Variants in NBEA observed in about 807,000 individuals in gnomAD.
NBEA encodes lysosomal-trafficking regulator 2.
In NBEA, 44 loss-of-function variants were observed where a neutral mutation model predicts 343.4. The observed-to-expected ratio is 0.13, with a 90% CI of 0.10 to 0.16. The LOEUF is 0.16. Ranked by LOEUF, NBEA falls within the 10% of genes least tolerant of loss-of-function variation. The pLI is 1.00. For missense variants in NBEA, 2,555 were observed against 3,631.3 expected (o/e 0.70, Z 7.62); for synonymous variants, 1,175 against 1,238.7 (o/e 0.95, Z 1.08).
intron 38 of NBEA, among the ~76,000 whole-genome samples, chr13:35,401,008 C>A (rs1274378606): frequency 6.6e-6 from 1 of 151,948 alleles, no homozygotes; most frequent in Non-Finnish European, 1.5e-5. Context: ...TTTGCCCCAG[C>A]AGAATTCATA....
At chr13:35,554,945 A>G in intron 43 of NBEA, 42 bp from the exon 44 acceptor site, 1 of 1,017,198 alleles carries the variant, frequency 9.8e-7, no homozygotes, top group Non-Finnish European at 1.5e-6. Context: ...TAAAGTTATG[A>G]ATTAAAGAGA....
At chr13:35,473,568 C>T (rs546379594) in intron 41 of NBEA, among the ~76,000 whole-genome samples, 13 of 152,340 alleles carry the variant, frequency 8.5e-5, no homozygotes, top group Admixed American at 3.3e-4. Context: ...GACTACTAAA[C>T]TCTTCCAAAG....
intron 38 of NBEA, among the ~76,000 whole-genome samples, chr13:35,383,391 G>C (rs1187190252): frequency 6.6e-6 from 1 of 152,186 alleles, no homozygotes; most frequent in Non-Finnish European, 1.5e-5. Flanking sequence ...AGAGTGAACA[G>C]ATGGAATAGG....
chr13:34,963,340 T>G (rs2059717769), intron 1 of NBEA, among the ~76,000 whole-genome samples: 1 of 152,024 alleles, frequency 6.6e-6, no homozygotes, highest in South Asian at 2.1e-4. Flanking sequence ...CCTGTTCTTA[T>G]GTGAACATCA....
intron 43 of NBEA, among the ~76,000 whole-genome samples, chr13:35,553,772 G>A (rs73498935): frequency 0.012 from 1,773 of 152,244 alleles, 41 homozygotes; most frequent in African/African-American, 0.041. Flanking sequence ...ATATCACAGT[G>A]AATTCTCAGG....
At chr13:35,204,099 C>T (rs79029340) in intron 31 of NBEA, among the ~76,000 whole-genome samples, 6,734 of 152,246 alleles carry the variant, frequency 0.044, 172 homozygotes, top group South Asian at 0.08. Context: ...TCTGCATTTA[C>T]AGCTGCTCCT....
At chr13:35,150,540 C>T (rs1257850965) in intron 18 of NBEA, among the ~76,000 whole-genome samples, 2 of 152,106 alleles carry the variant, frequency 1.3e-5, no homozygotes, top group Non-Finnish European at 2.9e-5. Context: ...AAAAGGAAAT[C>T]GCTTCCAGAC....
intron 1 of NBEA, among the ~76,000 whole-genome samples, chr13:34,953,204 G>A (rs115332022): frequency 1.0e-3 from 152 of 152,264 alleles, no homozygotes; most frequent in African/African-American, 3.6e-3. Context: ...CAAGTCTGCT[G>A]TCTTAAAAGA....
intron 48 of NBEA, among the ~76,000 whole-genome samples, chr13:35,607,368 A>G (rs1438908968): frequency 1.3e-5 from 2 of 152,182 alleles, no homozygotes; most frequent in East Asian, 3.9e-4. Context: ...GGGTGTTTAA[A>G]TGAGAAATGT....
intron 1 of NBEA, among the ~76,000 whole-genome samples, chr13:34,978,479 A>G (rs895918702): frequency 6.6e-5 from 10 of 152,088 alleles, no homozygotes; most frequent in African/African-American, 2.2e-4. Context: ...ATGTTTGGCT[A>G]CCTCCCCACC....
chr13:35,598,866 C>G (rs2081923381), intron 47 of NBEA, among the ~76,000 whole-genome samples: 2 of 152,162 alleles, frequency 1.3e-5, no homozygotes, highest in South Asian at 4.1e-4. Context: ...GAATCTTTTG[C>G]CAACTGAAGA....
At position 34,942,650 on chromosome 13, in the gene NBEA, A is replaced by C; in HGVS notation, c.-171A>C. The C allele has an allele frequency of 2.7e-6, 1 of 364,924 alleles. No individual in the cohort carries two copies. Among genetic ancestry groups the C allele is most frequent in the Non-Finnish European group, 4.7e-6 (1 of 213,352 alleles). 22.6% of individuals were successfully genotyped at this position (364,924 alleles called of 1,614,324 possible). A position where few individuals can be genotyped will look rare whatever the true frequency, so the allele number is the denominator to read the frequency against. ...ATCCCCCGCCGCCTCCGCGGGGGAGAGCGCCGGAGCGGGCCGGGCTGAGGC... is the reference window on the plus strand; with the variant it reads ...ATCCCCCGCCGCCTCCGCGGGGGAGCGCGCCGGAGCGGGCCGGGCTGAGGC... On this transcript the variant is annotated 5_prime_UTR_variant, in exon 1 of 59. Coordinates refer to ENST00000379939, the MANE Select transcript of NBEA (RefSeq NM_001385012.1).
At chr13:35,484,681 T>A (rs1238643221) in intron 41 of NBEA, among the ~76,000 whole-genome samples, 2 of 152,166 alleles carry the variant, frequency 1.3e-5, no homozygotes, top group Non-Finnish European at 2.9e-5. Flanking sequence ...ACAGAAATAA[T>A]TAATTGCCTC....
At chr13:35,447,528 A>T (rs2046109213) in intron 39 of NBEA, among the ~76,000 whole-genome samples, 1 of 152,052 alleles carries the variant, frequency 6.6e-6, no homozygotes, top group South Asian at 2.1e-4. Context: ...CAGTCTATGG[A>T]GTGCTTTCAT....
intron 47 of NBEA, among the ~76,000 whole-genome samples, chr13:35,605,929 CTA>C (rs960064340): frequency 4.0e-5 from 6 of 151,854 alleles, no homozygotes; most frequent in Admixed American, 2.0e-4. Flanking sequence ...GTAAAAAAAA[CTA>C]TGAATCTCTT....
chr13:35,082,585 T>C (rs1471912652), intron 10 of NBEA, among the ~76,000 whole-genome samples: 1 of 152,172 alleles, frequency 6.6e-6, no homozygotes, highest in Admixed American at 6.5e-5. Flanking sequence ...ACCTGTTGTT[T>C]CTTGACTTTT....
chr13:35,337,486 C>G (rs1420065868), intron 36 of NBEA, among the ~76,000 whole-genome samples: 2 of 151,880 alleles, frequency 1.3e-5, no homozygotes. Flanking sequence ...TAACAAGAGA[C>G]CCCTAAAATA....
intron 41 of NBEA, among the ~76,000 whole-genome samples, chr13:35,512,412 C>G (rs2077309006): frequency 6.6e-6 from 1 of 152,176 alleles, no homozygotes; most frequent in South Asian, 2.1e-4. Flanking sequence ...CAAGTTACCT[C>G]AAGCAATAGA....
chr13:35,334,742 A>G (rs970374983), intron 36 of NBEA, among the ~76,000 whole-genome samples: 5 of 152,130 alleles, frequency 3.3e-5, no homozygotes, highest in African/African-American at 1.2e-4. Flanking sequence ...CTCCTTATAT[A>G]TTCTGGTTAT....
Sources: allele counts gnomAD v4.1 joint callset (sites outside exome capture counted in the v4.1 genomes callset), GRCh38; gene constraint gnomAD v4.1.1; transcripts MANE v1.5; gene names NCBI Gene and HGNC (gene_info 2026-07-23, HGNC 2026-07-21).